The following ALDH4A1 variants were observed in gnomAD, a reference collection of about 807,000 sequenced individuals.
ALDH4A1 encodes delta-1-pyrroline-5-carboxylate dehydrogenase, mitochondrial.
A neutral mutation model predicts 70.5 loss-of-function variants in ALDH4A1; 46 were observed. The ratio of observed to expected loss-of-function variants is 0.65; its 90% CI spans 0.51 to 0.83. The LOEUF is 0.83. Ranked by LOEUF, ALDH4A1 falls within the 40% of genes least tolerant of loss-of-function variation. The pLI is 0.00. For synonymous variants in ALDH4A1, 323 were observed against 324.3 expected (o/e 1.00, Z 0.04); for missense variants, 749 against 766.5 (o/e 0.98, Z 0.27).
rs1934931840 is a variant in ALDH4A1 at position 18,880,651 on chromosome 1, A to C, written c.866+1049T>G. On this transcript the variant is annotated intron_variant, in intron 8 of 14. Transcript: ENST00000375341. The surrounding 1 kb of genome is among the most constrained non-coding windows in gnomAD (Gnocchi z 5.1). The stretch of plus-strand genomic sequence containing the variant: ...GCGTGGATCAGGTATGCAGGGAGCC[A>C]GAGGGCACCCACCCACTTCCAGCCA... Among the ~76,000 whole-genome samples the C allele has an allele frequency of 6.6e-6, 1 of 152,342 alleles. No homozygotes were observed. Among genetic ancestry groups the C allele is most frequent in the Non-Finnish European group, 1.5e-5 (1 of 68,026 alleles).
In ALDH4A1 at chr1:18,900,262, G is replaced by A. The variant is rs76946123; in HGVS notation, c.62+2200C>T. Among the ~76,000 whole-genome samples, 567 of 152,260 alleles carry A rather than the reference G, an allele frequency of 3.7e-3. 1 individual carries two copies. Among genetic ancestry groups the A allele is most frequent in the Non-Finnish European group, 6.9e-3 (467 of 68,020 alleles). On this transcript the variant is annotated intron_variant, in intron 1 of 14. Coordinates refer to ENST00000375341, the MANE Select transcript of ALDH4A1 (RefSeq NM_003748.4). ...CCTATACCCGTTCCTCAAAAGCAGC[G>A]GTTTTTCTCAGGACTAGAGTTTTAC...
At chr1:18,896,019 G>A (rs1935604115) in intron 1 of ALDH4A1, among the ~76,000 whole-genome samples, 2 of 152,136 alleles carry the variant, frequency 1.3e-5, no homozygotes, top group African/African-American at 4.8e-5. Flanking sequence ...CCCATTTGGT[G>A]CAATCCGGTC....
At position 18,898,405 on chromosome 1, in the gene ALDH4A1, C is replaced by T. The variant is rs1296881060; in HGVS notation, c.62+4057G>A. ...ACTTAATTGGAATAAACAGAAGAGACCGAGGACATCTGAGTTCCATACCTC... is the reference window on the plus strand; with the variant it reads ...ACTTAATTGGAATAAACAGAAGAGATCGAGGACATCTGAGTTCCATACCTC... On this transcript the variant is annotated intron_variant, in intron 1 of 14. Transcript: ENST00000375341. This position sits in a 1 kb window ranked among gnomAD's most constrained non-coding sequence, Gnocchi z 4.3. Among the ~76,000 whole-genome samples the T allele has an allele frequency of 6.6e-6, 1 of 152,150 alleles. No homozygotes were observed. Among genetic ancestry groups the T allele is most frequent in the African/African-American group, 2.4e-5 (1 of 41,436 alleles).
At chr1:18,894,865 CT>C (rs34445898) in intron 1 of ALDH4A1, among the ~76,000 whole-genome samples, 30,288 of 110,172 alleles carry the variant, frequency 0.27, 2,277 homozygotes, top group Middle Eastern at 0.34. Context: ...TTCTTTCTTT[CT>C]TTTTTTTTTT....
Position 18,875,439 on chromosome 1 carries a change from T to C in ALDH4A1, c.1403A>G (p.Gln468Arg), listed in dbSNP as rs1934635257. Residue 468 changes from glutamine (Q) to arginine (R), a missense_variant, in exon 13 of 15, where the codon CAG becomes CGG. Physicochemically the swap from Gln to Arg is conservative, Grantham distance 43. Transcript: ENST00000375341. ...ATAGCTGGTGGTGCTGTCAACCAGC[T>C]GCAGCGTCTCCTTGTACTTGTCATC... Reference protein sequence around the residue: ...YPDDKYKETLQLVDSTTSYGL... With the variant: ...YPDDKYKETLRLVDSTTSYGL... 2 of 1,614,154 alleles carry C rather than the reference T, an allele frequency of 1.2e-6. No homozygotes were observed. Among genetic ancestry groups the C allele is most frequent in the Admixed American group, 1.7e-5 (1 of 60,024 alleles).
In ALDH4A1 at chr1:18,880,770, A is replaced by T. The variant is rs77601391; in HGVS notation, c.866+930T>A. Among the ~76,000 whole-genome samples, 21 of 152,200 alleles carry T rather than the reference A, an allele frequency of 1.4e-4. No individual in the cohort carries two copies. Among genetic ancestry groups the T allele is most frequent in the African/African-American group, 5.1e-4 (21 of 41,442 alleles). On this transcript the variant is annotated intron_variant, in intron 8 of 14. Transcript: ENST00000375341. This position sits in a 1 kb window ranked among gnomAD's most constrained non-coding sequence, Gnocchi z 5.1. Reference sequence around the variant, plus strand: ...ATTTATCTATGAAATTGTCCCAATTATACAAAGTTGGGCCATCACTGTTAG... The same window carrying T: ...ATTTATCTATGAAATTGTCCCAATTTTACAAAGTTGGGCCATCACTGTTAG...
chr1:18,885,905 T>G (rs1308619276), intron 4 of ALDH4A1, among the ~76,000 whole-genome samples: 1 of 152,160 alleles, frequency 6.6e-6, no homozygotes, highest in African/African-American at 2.4e-5. Flanking sequence ...GGCTCCACTT[T>G]CTCTCATGGT....
At chr1:18,895,200 G>A (rs1935576359) in intron 1 of ALDH4A1, among the ~76,000 whole-genome samples, 1 of 152,198 alleles carries the variant, frequency 6.6e-6, no homozygotes, top group African/African-American at 2.4e-5. Flanking sequence ...TCTCAGAGCA[G>A]CCCTCAGTCC....
rs564843735 is a variant in ALDH4A1, at chr1:18,875,741, C to A, written c.1339-238G>T. On this transcript the variant is annotated intron_variant, in intron 12 of 14. Transcript: ENST00000375341. ...AGCCGGCAAAAGATGCAAACATTTT[C>A]TGGCTCTCCCTGCCAAACCCACACC... Among the ~76,000 whole-genome samples the A allele has an allele frequency of 3.9e-5, 6 of 152,338 alleles. No individual in the cohort carries two copies. The East Asian group carries it at 9.7e-4, about 25-fold the overall frequency.
chr1:18,877,496 G>A lies in ALDH4A1; in HGVS notation c.1057C>T (p.Arg353Cys), dbSNP rs1235382146. ...YGGQKCSACS[R>C]LYVPHSLWPQ... Reference sequence around the variant, plus strand: ...CACAGCGAGTGCGGCACGTAGAGACGCGAGCACGCGGAACACTTCTGGCCA... The same window carrying A: ...CACAGCGAGTGCGGCACGTAGAGACACGAGCACGCGGAACACTTCTGGCCA... Residue 353 changes from arginine to cysteine, a missense_variant, in exon 10 of 15, where the codon CGT (arginine) becomes TGT (cysteine). Arg to Cys is a radical substitution (Grantham distance 180). Transcript: ENST00000375341. The A allele has an allele frequency of 3.7e-6, 6 of 1,606,422 alleles. No individual in the cohort carries two copies. Among genetic ancestry groups the A allele is most frequent in the East Asian group, 2.2e-5 (1 of 44,648 alleles).
intron 1 of ALDH4A1, 112 bp downstream of exon 1, chr1:18,902,350 C>T (rs1182231400): frequency 2.2e-6 from 2 of 919,616 alleles, no homozygotes; most frequent in Non-Finnish European, 2.9e-6. Context: ...TTGACCGAGG[C>T]AGCTTGGGGG....
At chr1:18,886,418 G>A (rs1935203551) in intron 4 of ALDH4A1, 46 bp downstream of exon 4, 2 of 1,604,606 alleles carry the variant, frequency 1.2e-6, no homozygotes, top group Non-Finnish European at 1.7e-6. Context: ...GCAGAGCAGG[G>A]GCAGCAACCC....
chr1:18,893,025 G>A (rs903286628), intron 1 of ALDH4A1, among the ~76,000 whole-genome samples: 1 of 152,134 alleles, frequency 6.6e-6, no homozygotes, highest in Non-Finnish European at 1.5e-5. Context: ...CTGCGCTCCA[G>A]GCCTCAACAG....
intron 5 of ALDH4A1, among the ~76,000 whole-genome samples, chr1:18,884,446 C>T (rs1473745825): frequency 6.6e-6 from 1 of 152,056 alleles, no homozygotes; most frequent in Non-Finnish European, 1.5e-5. Context: ...GGCTCAGGTC[C>T]TGGAGGTGGT....
At position 18,879,371 on chromosome 1, in the gene ALDH4A1, GT is replaced by G; in HGVS notation, c.868del (p.Thr290ProfsTer44). 1 of 1,610,672 alleles carries G rather than the reference GT, an allele frequency of 6.2e-7. No individual in the cohort carries two copies. Among genetic ancestry groups the G allele is most frequent in the Non-Finnish European group, 8.5e-7 (1 of 1,178,634 alleles). On this transcript the variant is annotated frameshift_variant and splice_region_variant, in exon 9 of 15. Coordinates refer to ENST00000375341, the MANE Select transcript of ALDH4A1 (RefSeq NM_003748.4). LOFTEE classifies it high-confidence loss of function. ...CGINFTGSVP[T>X]FKHLWKQVAQ... ...CACCTGCTTCCACAGGTGTTTGAAG[GT>G]GCTGGAACCACAGGAGAAAGGGTGG...
rs562939912 is a variant in ALDH4A1, at chr1:18,889,890, A to C, written c.156+122T>G. 6 of 898,404 alleles carry C rather than the reference A, an allele frequency of 6.7e-6. No individual in the cohort carries two copies. In the South Asian group the frequency reaches 1.0e-4, roughly 15 times the overall value. The allele number at this position is 898,404 out of a possible 1,614,324, so 55.7% of individuals were successfully genotyped here. A position where few individuals can be genotyped will look rare whatever the true frequency, so the allele number is the denominator to read the frequency against. Reference sequence around the variant, plus strand: ...CACAGCCCTCCCAGGCTTCCACCCAAGGCTGGGAGCAAGGGTAGAAGCGGG... The same window carrying C: ...CACAGCCCTCCCAGGCTTCCACCCACGGCTGGGAGCAAGGGTAGAAGCGGG... On this transcript the variant is annotated intron_variant, in intron 2 of 14. Coordinates refer to ENST00000375341, the MANE Select transcript of ALDH4A1 (RefSeq NM_003748.4).
intron 8 of ALDH4A1, among the ~76,000 whole-genome samples, 189 bp downstream of exon 8, chr1:18,881,511 T>A (rs562056268): frequency 9.9e-5 from 15 of 152,216 alleles, no homozygotes; most frequent in Non-Finnish European, 1.8e-4. Flanking sequence ...TTAAGGATAA[T>A]CACTCCCTGT....
chr1:18,883,426 A>AAGG lies in ALDH4A1; in HGVS notation c.455_456insCCT (p.Gly152_Lys153insLeu), dbSNP rs1228851070. On this transcript the variant is annotated inframe_insertion and splice_region_variant, in exon 6 of 15. Coordinates refer to ENST00000375341, the MANE Select transcript of ALDH4A1 (RefSeq NM_003748.4). ...CAATCTCCGCTTGGATCACGGTCTT[A>AAGG]CCCTGCAAGGCAGAGGGCCGGGGGT... 1 of 1,613,064 alleles carries AAGG rather than the reference A, an allele frequency of 6.2e-7. No homozygotes were observed. The highest frequency in any genetic ancestry group is 8.5e-7 in the Non-Finnish European group (1 of 1,180,032).
At position 18,877,525 on chromosome 1, in the gene ALDH4A1, T is replaced by C; in HGVS notation, c.1028A>G (p.Tyr343Cys). The C allele has an allele frequency of 1.2e-6, 2 of 1,611,728 alleles. No individual in the cohort carries two copies. The highest frequency in any genetic ancestry group is 1.7e-6 in the Non-Finnish European group (2 of 1,179,320). Residue 343 changes from tyrosine (Y) to cysteine (C), a missense_variant, in exon 10 of 15, where the codon TAC (tyrosine) becomes TGC (cysteine). Transcript: ENST00000375341. ...GCACGCGGAACACTTCTGGCCACCG[T>C]ACTCGAAGGCTGAGCGGAGGGTCCC... is the stretch of plus-strand genomic sequence containing the variant. Reference protein sequence around the residue: ...VSGTLRSAFEYGGQKCSACSR... With the variant: ...VSGTLRSAFECGGQKCSACSR...
Sources: allele counts gnomAD v4.1 joint callset (sites outside exome capture counted in the v4.1 genomes callset), GRCh38; gene constraint gnomAD v4.1.1; non-coding constraint Gnocchi (gnomAD v3.1); transcripts MANE v1.5; gene names NCBI Gene and HGNC (gene_info 2026-07-23, HGNC 2026-07-21).